The following SEPTIN9 variants were observed in gnomAD, a reference collection of about 807,000 sequenced individuals.
SEPTIN9 encodes the protein septin 9, also known as septin-9.
Under a neutral mutation model 56.6 loss-of-function variants are expected in SEPTIN9, and 13 were observed. That is an observed-to-expected ratio of 0.23 (90% CI 0.15 to 0.37). The LOEUF is 0.37. Among genes scored for constraint, SEPTIN9 ranks in the 10% least tolerant of loss-of-function variants. The probability of loss-of-function intolerance (pLI) is 1.00; values close to 1 mark genes in which losing one functional copy is unlikely to be tolerated. For missense variants in SEPTIN9, 650 were observed against 823.1 expected, an observed-to-expected ratio of 0.79 and a Z score of 2.57; for synonymous variants, 332 against 334.1, an observed-to-expected ratio of 0.99 and a Z score of 0.07.
Position 77,492,553 on chromosome 17 carries a change from G to A in SEPTIN9, c.1381-68G>A, listed in dbSNP as rs2040074166. 2 of 1,423,998 alleles carry A rather than the reference G, an allele frequency of 1.4e-6. No individual in the cohort carries two copies. Among genetic ancestry groups the A allele is most frequent in the Non-Finnish European group, 2.0e-6 (2 of 1,007,154 alleles). The allele number at this position is 1,423,998 out of a possible 1,614,324, so 88.2% of individuals were successfully genotyped here. A position where few individuals can be genotyped will look rare whatever the true frequency, so the allele number is the denominator to read the frequency against. On this transcript the variant is annotated intron_variant, in intron 8 of 11. Transcript: ENST00000427177. This position sits in a 1 kb window ranked among gnomAD's most constrained non-coding sequence, Gnocchi z 5.4. ...GCAGCACACAGTGTGGAGGTCATGT[G>A]GCAAACACCAGTGGGTGGGTAGAGC...
chr17:77,309,367 C>T (rs1166767320), intron 2 of SEPTIN9, among the ~76,000 whole-genome samples: 1 of 152,212 alleles, frequency 6.6e-6, no homozygotes, highest in African/African-American at 2.4e-5. Context: ...ACACGGGGTC[C>T]TCCCTCTGTG....
rs576981430 is a variant in SEPTIN9 at position 77,476,466 on chromosome 17, T to C, written c.722-5678T>C. Among the ~76,000 whole-genome samples the C allele has an allele frequency of 6.6e-6, 1 of 152,364 alleles. No individual in the cohort carries two copies. Among genetic ancestry groups the C allele is most frequent in the African/African-American group, 2.4e-5 (1 of 41,584 alleles). ...GTAAGAATTTGTCACTAAGTGCAGATGTTCCCAGAGGGTGCTGGCTCAGGG... is the reference window on the plus strand; with the variant it reads ...GTAAGAATTTGTCACTAAGTGCAGACGTTCCCAGAGGGTGCTGGCTCAGGG... On this transcript the variant is annotated intron_variant, in intron 3 of 11. Coordinates refer to ENST00000427177, the MANE Select transcript of SEPTIN9 (RefSeq NM_001113491.2). This position sits in a 1 kb window ranked among gnomAD's most constrained non-coding sequence, Gnocchi z 6.0.
chr17:77,385,164 C>CTTTTT (rs530528683), intron 2 of SEPTIN9, among the ~76,000 whole-genome samples: 27 of 123,502 alleles, frequency 2.2e-4, no homozygotes, highest in African/African-American at 6.7e-4. Flanking sequence ...AGACCCCCAC[C>CTTTTT]TTTTTTTTTT....
At chr17:77,314,829 G>A (rs1390756750) in intron 2 of SEPTIN9, among the ~76,000 whole-genome samples, 1 of 152,206 alleles carries the variant, frequency 6.6e-6, no homozygotes, top group Admixed American at 6.5e-5. Context: ...GGGGAGCACA[G>A]TCCACCCTGG....
chr17:77,447,942 G>A (rs2037805168), intron 3 of SEPTIN9, among the ~76,000 whole-genome samples: 1 of 152,200 alleles, frequency 6.6e-6, no homozygotes, highest in Non-Finnish European at 1.5e-5. Context: ...TTTCTTAGGA[G>A]AAGCTCTGCA....
chr17:77,442,035 C>T (rs2037564330), intron 3 of SEPTIN9: 1 of 152,188 alleles, frequency 6.6e-6, no homozygotes, highest in African/African-American at 2.4e-5. Context: ...AGAGAAAAGA[C>T]AGATTTAATC....
intron 2 of SEPTIN9, among the ~76,000 whole-genome samples, chr17:77,361,634 C>T (rs2034420074): frequency 6.6e-6 from 1 of 150,744 alleles, no homozygotes; most frequent in Non-Finnish European, 1.5e-5. Flanking sequence ...CTTTTCTTTT[C>T]TTTTCTTTTT....
Position 77,307,199 on chromosome 17 carries a change from T to G in SEPTIN9, c.76+2T>G. Reference sequence around the variant, plus strand: ...GGCTTGGTGACTCCAGTGGCCCAGGTAGGTGGCTCGCTCCGCTCTGGCCCC... The same window carrying G: ...GGCTTGGTGACTCCAGTGGCCCAGGGAGGTGGCTCGCTCCGCTCTGGCCCC... On this transcript the variant is annotated splice_donor_variant, in intron 2 of 11. Transcript: ENST00000427177. LOFTEE classifies it high-confidence loss of function. 6.2e-7 allele frequency: 1 copy of G among 1,613,400 alleles called. No individual in the cohort carries two copies. Among genetic ancestry groups the G allele is most frequent in the Non-Finnish European group, 8.5e-7 (1 of 1,179,556 alleles).
rs2037240643 is a variant in SEPTIN9, at chr17:77,433,820, A to C, written c.721+31117A>C. 1.3e-5 allele frequency among the ~76,000 whole-genome samples: 2 copies of C among 150,568 alleles called. No individual in the cohort carries two copies. The highest frequency in any genetic ancestry group is 1.3e-4 in the Admixed American group (2 of 15,162). ...ATCCCCTGCGCCCCCCGCCCCAGGC[A>C]CTTGATGTTGCCTGTTCATTTTCCC... On this transcript the variant is annotated intron_variant, in intron 3 of 11. Transcript: ENST00000427177. The surrounding 1 kb of genome is among the most constrained non-coding windows in gnomAD (Gnocchi z 6.4).
At chr17:77,442,892 A>T (rs1318753342) in intron 3 of SEPTIN9, among the ~76,000 whole-genome samples, 1 of 152,120 alleles carries the variant, frequency 6.6e-6, no homozygotes, top group Non-Finnish European at 1.5e-5. Flanking sequence ...AATAAAAAAA[A>T]AAAAGCACAT....
chr17:77,373,359 G>T (rs1327556087), intron 2 of SEPTIN9: 6 of 1,202,770 alleles, frequency 5.0e-6, no homozygotes, highest in Non-Finnish European at 6.2e-6. Flanking sequence ...GAGCCAGGGG[G>T]CCTAGGGGCT....
chr17:77,450,467 C>G lies in SEPTIN9; in HGVS notation c.722-31677C>G, dbSNP rs899778553. On this transcript the variant is annotated intron_variant, in intron 3 of 11. Transcript: ENST00000427177. This position sits in a 1 kb window ranked among gnomAD's most constrained non-coding sequence, Gnocchi z 6.0. ...CCCAGCCCCCAGCAAGCCCTCGGAA[C>G]GAGCCCACTCCCAGGCGCTCTCTCC... 29 of 985,216 alleles carry G rather than the reference C, an allele frequency of 2.9e-5. No individual in the cohort carries two copies. The highest frequency in any genetic ancestry group is 1.2e-4 in the African/African-American group (7 of 57,314). 61.0% of individuals were successfully genotyped at this position (985,216 alleles called of 1,614,324 possible).
chr17:77,493,147 G>A (rs2040108404), intron 10 of SEPTIN9, 71 bp downstream of exon 10: 4 of 1,240,466 alleles, frequency 3.2e-6, no homozygotes, highest in African/African-American at 1.5e-5. Flanking sequence ...AGAGCCTGTG[G>A]GCCACGCCTG....
chr17:77,484,886 GTGA>G (rs2039653219), intron 4 of SEPTIN9, among the ~76,000 whole-genome samples: 1 of 107,364 alleles, frequency 9.3e-6, no homozygotes, highest in African/African-American at 4.9e-5. Flanking sequence ...GGTTGTGATT[GTGA>G]TGGTGGTGGT....
At position 77,476,599 on chromosome 17, in the gene SEPTIN9, G is replaced by T. The variant is rs1344545907; in HGVS notation, c.722-5545G>T. Among the ~76,000 whole-genome samples the T allele has an allele frequency of 2.0e-5, 3 of 152,254 alleles. No individual in the cohort carries two copies. The highest frequency in any genetic ancestry group is 4.4e-5 in the Non-Finnish European group (3 of 68,042). Reference sequence around the variant, plus strand: ...GGAGGAGGGAGCTGGTCCCCAGGATGAGCAGATTTGGGGGCAGTCCCCATC... The same window carrying T: ...GGAGGAGGGAGCTGGTCCCCAGGATTAGCAGATTTGGGGGCAGTCCCCATC... On this transcript the variant is annotated intron_variant, in intron 3 of 11. Coordinates refer to ENST00000427177, the MANE Select transcript of SEPTIN9 (RefSeq NM_001113491.2). This position sits in a 1 kb window ranked among gnomAD's most constrained non-coding sequence, Gnocchi z 6.0.
chr17:77,466,225 G>A (rs140482144), intron 3 of SEPTIN9, among the ~76,000 whole-genome samples: 1,907 of 152,360 alleles, frequency 0.013, 45 homozygotes, highest in African/African-American at 0.04. Context: ...CAGCCGGTAG[G>A]CAGTTTGCAC....
chr17:77,395,526 C>CA (rs72242549), intron 2 of SEPTIN9, among the ~76,000 whole-genome samples: 22,391 of 115,090 alleles, frequency 0.19, 2,603 homozygotes, highest in Non-Finnish European at 0.29. Flanking sequence ...GAGACTGTCT[C>CA]AAAAAAAAAA....
At position 77,487,175 on chromosome 17, in the gene SEPTIN9, CA is replaced by C. The variant is rs1005937931; in HGVS notation, c.914-248del. Reference sequence around the variant, plus strand: ...ACTCTCCCAGGCCCGGCTCACCTCTCAGGAGAGGACTGTGGCCTGGGTTGTG... The same window carrying C: ...ACTCTCCCAGGCCCGGCTCACCTCTCGGAGAGGACTGTGGCCTGGGTTGTG... On this transcript the variant is annotated intron_variant, in intron 4 of 11. Transcript: ENST00000427177. The surrounding 1 kb of genome is among the most constrained non-coding windows in gnomAD (Gnocchi z 4.3). Among the ~76,000 whole-genome samples the C allele has an allele frequency of 2.6e-5, 4 of 152,234 alleles. No individual in the cohort carries two copies. Among genetic ancestry groups the C allele is most frequent in the African/African-American group, 9.6e-5 (4 of 41,464 alleles).
chr17:77,474,227 C>T (rs955050538), intron 3 of SEPTIN9, among the ~76,000 whole-genome samples: 1 of 152,150 alleles, frequency 6.6e-6, no homozygotes, highest in African/African-American at 2.4e-5. Flanking sequence ...GCAGGGGCCC[C>T]AGGGCAGCTC....
Sources: allele counts gnomAD v4.1 joint callset (sites outside exome capture counted in the v4.1 genomes callset), GRCh38; gene constraint gnomAD v4.1.1; non-coding constraint Gnocchi (gnomAD v3.1); transcripts MANE v1.5; gene names NCBI Gene and HGNC (gene_info 2026-07-23, HGNC 2026-07-21).